Variants in ANKRD36B observed in about 807,000 individuals in gnomAD.
The protein encoded by ANKRD36B is ankyrin repeat domain 36B.
A neutral mutation model predicts 135.7 loss-of-function variants in ANKRD36B; 37 were observed. The ratio of observed to expected loss-of-function variants is 0.27; its 90% CI spans 0.21 to 0.36. The LOEUF (loss-of-function observed/expected upper bound fraction) is 0.36. ANKRD36B is among the 10% of genes least tolerant of loss of function. ANKRD36B has a pLI of 1.00. For synonymous variants in ANKRD36B, 179 were observed against 348.1 expected (o/e 0.51, Z 5.41); for missense variants, 549 against 1,037.1 (o/e 0.53, Z 6.46).
rs1360197309 is a variant in ANKRD36B, at chr2:97,561,205, T to A, written c.764-345A>T. 3.3e-5 allele frequency among the ~76,000 whole-genome samples: 5 copies of A among 151,900 alleles called. No individual in the cohort carries two copies. In the East Asian group the frequency reaches 9.6e-4, roughly 29 times the overall value. ...AGAGTCCAACTCATACACCTGGGAA[T>A]CAGCGTCAAAGCAGGTGATACATGC... is the stretch of plus-strand genomic sequence containing the variant. On this transcript the variant is annotated intron_variant, in intron 6 of 43. Transcript: ENST00000359901.
intron 6 of ANKRD36B, among the ~76,000 whole-genome samples, chr2:97,563,346 G>A (rs374019668): frequency 6.6e-5 from 10 of 151,580 alleles, no homozygotes; most frequent in African/African-American, 2.2e-4. Context: ...AGCAAAGTAC[G>A]TTAGACAGGA....
chr2:97,570,495 T>C (rs1007539527), intron 6 of ANKRD36B, among the ~76,000 whole-genome samples: 2 of 152,216 alleles, frequency 1.3e-5, no homozygotes, highest in Non-Finnish European at 2.9e-5. Flanking sequence ...GAACAGCTGC[T>C]TTTCTTCTGG....
chr2:97,565,864 GGTGTGT>G (rs869177777), intron 6 of ANKRD36B, among the ~76,000 whole-genome samples: 2 of 147,094 alleles, frequency 1.4e-5, no homozygotes, highest in Non-Finnish European at 3.0e-5. Flanking sequence ...ATATACTCGG[GGTGTGT>G]GTGTGTGTGT....
At chr2:97,564,451 C>T (rs2081287295) in intron 6 of ANKRD36B, among the ~76,000 whole-genome samples, 1 of 152,022 alleles carries the variant, frequency 6.6e-6, no homozygotes, top group Non-Finnish European at 1.5e-5. Flanking sequence ...AAGTATTTGC[C>T]CATGCCTATG....
Position 97,551,458 on chromosome 2 carries a change from G to A in ANKRD36B, c.1296C>T (p.Ala432=), listed in dbSNP as rs553591553. Residue 432 remains alanine (A), a synonymous_variant, in exon 17 of 44, where the codon GCC becomes GCT. Coordinates refer to ENST00000359901, the MANE Select transcript of ANKRD36B (RefSeq NM_001393939.1). ...SGTVSSQKKP[A]LKATSDEKDS... ...TAAATGAGAGTTTCATTACCTTCAAGGCTGGTTTTTTCTGAGAAGACACTG... is the reference window on the plus strand; with the variant it reads ...TAAATGAGAGTTTCATTACCTTCAAAGCTGGTTTTTTCTGAGAAGACACTG... 1.2e-6 allele frequency: 2 copies of A among 1,607,236 alleles called. No individual in the cohort carries two copies. The highest frequency in any genetic ancestry group is 1.7e-6 in the Non-Finnish European group (2 of 1,178,760).
chr2:97,546,695 T>C (rs889227184), intron 22 of ANKRD36B, among the ~76,000 whole-genome samples: 3 of 151,778 alleles, frequency 2.0e-5, no homozygotes, highest in Non-Finnish European at 4.4e-5. Flanking sequence ...TTCAACATCA[T>C]TTTTGTTTCT....
At chr2:97,571,524 T>C (rs2081871948) in intron 6 of ANKRD36B, among the ~76,000 whole-genome samples, 1 of 151,974 alleles carries the variant, frequency 6.6e-6, no homozygotes, top group Non-Finnish European at 1.5e-5. Flanking sequence ...TGCATGCCTG[T>C]AGTCCCAGCT....
chr2:97,547,752 A>C lies in ANKRD36B; in HGVS notation c.1478-21T>G, dbSNP rs148905831. 1,914 of 1,549,346 alleles carry C rather than the reference A, an allele frequency of 1.2e-3. 57 individuals are homozygous for C. The East Asian group carries it at 0.041, about 33-fold the overall frequency. ...AGACACTGAAAAGTAAAAGGGATTC[A>C]TAATCACTCATATGTAAAAATGACA... On this transcript the variant is annotated intron_variant, in intron 20 of 43. Coordinates refer to ENST00000359901, the MANE Select transcript of ANKRD36B (RefSeq NM_001393939.1).
In ANKRD36B at chr2:97,529,302, C is replaced by A. The variant is rs2078421320; in HGVS notation, c.2265+3009G>T. ...TTATAAACAGAACCAAAGACAAAAA[C>A]CACATGATTATCTCAATAGATGCAG... On this transcript the variant is annotated intron_variant, in intron 35 of 43. Transcript: ENST00000359901. Among the ~76,000 whole-genome samples the A allele has an allele frequency of 2.1e-5, 2 of 95,742 alleles. 1 individual carries two copies. The highest frequency in any genetic ancestry group is 6.3e-5 in the African/African-American group (2 of 31,800). The allele number at this position is 95,742 out of a possible 152,430, so 62.8% of individuals were successfully genotyped here.
At chr2:97,556,337 C>G (rs193007998) in intron 12 of ANKRD36B, among the ~76,000 whole-genome samples, 4 of 151,936 alleles carry the variant, frequency 2.6e-5, no homozygotes, top group African/African-American at 4.8e-5. Context: ...CGGTAGTCAT[C>G]GGAGCAGTCA....
intron 12 of ANKRD36B, among the ~76,000 whole-genome samples, chr2:97,555,600 C>A (rs1036246718): frequency 1.3e-5 from 2 of 151,908 alleles, no homozygotes; most frequent in African/African-American, 4.8e-5. Flanking sequence ...AAAGCAGGTG[C>A]TACATGATCC....
chr2:97,526,632 A>G lies in ANKRD36B; in HGVS notation c.2266-3165T>C, dbSNP rs1390359441. On this transcript the variant is annotated intron_variant, in intron 35 of 43. Coordinates refer to ENST00000359901, the MANE Select transcript of ANKRD36B (RefSeq NM_001393939.1). ...AGCTACAGGAGGAAATTCAAACCAA[A>G]GGCAAAGAAGTTAAAAACTTTGAAA... 2.1e-5 allele frequency among the ~76,000 whole-genome samples: 2 copies of G among 97,026 alleles called. 1 individual carries two copies. The highest frequency in any genetic ancestry group is 6.2e-5 in the African/African-American group (2 of 32,306). The allele number at this position is 97,026 out of a possible 152,430, so 63.7% of individuals were successfully genotyped here. A position where few individuals can be genotyped will look rare whatever the true frequency, so the allele number is the denominator to read the frequency against.
chr2:97,508,870 C>G (rs1484215819), intron 40 of ANKRD36B, among the ~76,000 whole-genome samples: 3 of 109,070 alleles, frequency 2.8e-5, no homozygotes, highest in African/African-American at 7.5e-5. Flanking sequence ...CTTAACCAAC[C>G]CAAACATCTC....
chr2:97,526,333 A>C lies in ANKRD36B; in HGVS notation c.2266-2866T>G, dbSNP rs1324801278. Among the ~76,000 whole-genome samples the C allele has an allele frequency of 1.0e-4, 10 of 98,022 alleles. 2 individuals are homozygous for C. The highest frequency in any genetic ancestry group is 3.1e-4 in the African/African-American group (10 of 32,612). The allele number at this position is 98,022 out of a possible 152,430, so 64.3% of individuals were successfully genotyped here. On this transcript the variant is annotated intron_variant, in intron 35 of 43. Coordinates refer to ENST00000359901, the MANE Select transcript of ANKRD36B (RefSeq NM_001393939.1). ...CTCTAGCAAACTCCAACAGACCTGC[A>C]GCTGAGGGTCCTGTCTGGTAGAAGG...
chr2:97,582,843 T>C (rs935735379), intron 3 of ANKRD36B, among the ~76,000 whole-genome samples: 8 of 152,150 alleles, frequency 5.3e-5, no homozygotes, highest in Non-Finnish European at 1.2e-4. Flanking sequence ...TGAGCACTTT[T>C]ACAACATTCA....
In ANKRD36B at chr2:97,547,710, C is replaced by G. The variant is rs201942589; in HGVS notation, c.1499G>C (p.Gly500Ala). 4.9e-5 allele frequency: 77 copies of G among 1,561,704 alleles called. No individual in the cohort carries two copies. In the African/African-American group the frequency reaches 7.1e-4, roughly 14 times the overall value. Reference sequence around the variant, plus strand: ...AAATGACAGTTTCATTACCTTCAAGCCTGGTGGTTGCTCAAAAGACACTGA... The same window carrying G: ...AAATGACAGTTTCATTACCTTCAAGGCTGGTGGTTGCTCAAAAGACACTGA... ...SRTVSFEQPPGLKATRDEKDS... is the reference protein window; with the variant it reads ...SRTVSFEQPPALKATRDEKDS... Residue 500 changes from glycine (G) to alanine (A), a missense_variant, in exon 21 of 44, where the codon GGC (glycine) becomes GCC (alanine). Physicochemically the swap from Gly to Ala is moderately conservative, Grantham distance 60 (BLOSUM62 0). Coordinates refer to ENST00000359901, the MANE Select transcript of ANKRD36B (RefSeq NM_001393939.1).
At chr2:97,572,884 T>C (rs1484671828) in intron 6 of ANKRD36B, among the ~76,000 whole-genome samples, 1 of 151,694 alleles carries the variant, frequency 6.6e-6, no homozygotes, top group African/African-American at 2.4e-5. Flanking sequence ...ATAAAAGACG[T>C]CAGCTTCTCC....
chr2:97,494,243 G>T (rs1484913988), intron 43 of ANKRD36B, among the ~76,000 whole-genome samples: 742 of 60,356 alleles, frequency 0.012, 65 homozygotes, highest in African/African-American at 0.055. Context: ...AGGTAATAAG[G>T]TATAAGGAAC....
rs775638992 is a variant in ANKRD36B, at chr2:97,551,483, G to A, written c.1274-3C>T. 4.4e-6 allele frequency: 7 copies of A among 1,607,736 alleles called. No homozygotes were observed. Among genetic ancestry groups the A allele is most frequent in the Non-Finnish European group, 5.9e-6 (7 of 1,178,672 alleles). On this transcript the variant is annotated splice_region_variant and splice_polypyrimidine_tract_variant and intron_variant, in intron 16 of 43. Transcript: ENST00000359901. ...GGCTGGTTTTTTCTGAGAAGACACT[G>A]AAAAGCAAAAGGGATACATAATCAC... is the stretch of plus-strand genomic sequence containing the variant.
Sources: gnomAD v4.1 joint callset for allele counts (sites outside exome capture counted in the v4.1 genomes callset) on GRCh38, gnomAD v4.1.1 for gene constraint, MANE v1.5 for transcripts, NCBI Gene and HGNC (gene_info 2026-07-23, HGNC 2026-07-21) for gene names.